Variants in BBS2 observed in about 807,000 individuals in gnomAD.
BBS2 encodes Bardet-Biedl syndrome 2, also known as BBSome complex member BBS2.
A neutral mutation model predicts 83.0 loss-of-function variants in BBS2; 62 were observed. The observed-to-expected ratio is 0.75, with a 90% CI of 0.61 to 0.92. BBS2 has a LOEUF of 0.92. BBS2 is among the 40% of genes least tolerant of loss of function. The pLI, the probability that BBS2 is intolerant of heterozygous loss-of-function variation, is 0.00. For missense variants in BBS2, 784 were observed against 901.0 expected (o/e 0.87, Z 1.66); for synonymous variants, 303 against 326.1 (o/e 0.93, Z 0.76).
intron 9 of BBS2, chr16:56,502,066 A>G: frequency 1.8e-6 from 1 of 545,692 alleles, no homozygotes; most frequent in Non-Finnish European, 3.3e-6. Flanking sequence ...AGTTTCTTCC[A>G]GCTGTTTTCA....
chr16:56,470,880 T>A, intron 17 of BBS2: 1 of 1,297,452 alleles, frequency 7.7e-7, no homozygotes, highest in Non-Finnish European at 1.0e-6. Flanking sequence ...ATTGAGCATC[T>A]ACTGTGCCCT....
At chr16:56,487,484 TATAAA>T (rs1440803156) in intron 15 of BBS2, among the ~76,000 whole-genome samples, 96 of 152,282 alleles carry the variant, frequency 6.3e-4, no homozygotes, top group African/African-American at 2.3e-3. Flanking sequence ...TATTTACAAT[TATAAA>T]ATATTTCGTA....
At chr16:56,478,892 T>TGTAATTTAA (rs1208819821) in intron 17 of BBS2, 1 of 152,206 alleles carries the variant, frequency 6.6e-6, no homozygotes, top group Non-Finnish European at 1.5e-5. Context: ...TTGTGAAGGA[T>TGTAATTTAA]GGTGTAACTT....
intron 9 of BBS2, 21 bp downstream of exon 9, chr16:56,502,296 C>T: frequency 1.2e-6 from 2 of 1,613,986 alleles, no homozygotes; most frequent in Non-Finnish European, 1.7e-6. Context: ...ATTACCTGGT[C>T]ACATTAGGAC....
At chr16:56,471,958 T>C (rs1210131649) in intron 17 of BBS2, among the ~76,000 whole-genome samples, 1 of 151,092 alleles carries the variant, frequency 6.6e-6, no homozygotes, top group Non-Finnish European at 1.5e-5. Context: ...CACTTCTGTT[T>C]GTTTGTTTGT....
chr16:56,501,305 C>G (rs1473674112), intron 10 of BBS2, 48 bp downstream of exon 10: 1 of 1,607,436 alleles, frequency 6.2e-7, no homozygotes, highest in Non-Finnish European at 8.5e-7. Flanking sequence ...AGAATGACTC[C>G]AAGATGGCAC....
chr16:56,473,280 CT>C (rs1963290108), intron 17 of BBS2, among the ~76,000 whole-genome samples: 1 of 152,172 alleles, frequency 6.6e-6, no homozygotes, highest in Non-Finnish European at 1.5e-5. Flanking sequence ...TTTCTAGAAG[CT>C]TTTATTTCAA....
intron 11 of BBS2, 140 bp from the exon 12 acceptor site, chr16:56,500,047 T>C (rs1397416582): frequency 3.8e-5 from 37 of 979,878 alleles, no homozygotes; most frequent in Non-Finnish European, 5.6e-5. Flanking sequence ...CCCAAAACAC[T>C]TGAGGGTTAA....
chr16:56,471,409 T>C (rs1289859087), intron 17 of BBS2, among the ~76,000 whole-genome samples: 4 of 150,264 alleles, frequency 2.7e-5, no homozygotes, highest in Non-Finnish European at 5.9e-5. Flanking sequence ...CTTAGGCGAA[T>C]AGATGATTTA....
intron 1 of BBS2, among the ~76,000 whole-genome samples, chr16:56,518,736 G>T (rs1964822791): frequency 6.6e-6 from 1 of 152,188 alleles, no homozygotes; most frequent in Admixed American, 6.5e-5. Context: ...AAATACACAG[G>T]GCTCTGATTT....
intron 12 of BBS2, 111 bp downstream of exon 12, chr16:56,499,667 A>AT (rs1470237996): frequency 1.8e-5 from 26 of 1,462,034 alleles, no homozygotes; most frequent in Non-Finnish European, 1.2e-5. Context: ...CTTTCATATC[A>AT]TATTTACTGC....
At chr16:56,513,084 C>T (rs919539697) in intron 2 of BBS2, among the ~76,000 whole-genome samples, 9 of 152,034 alleles carry the variant, frequency 5.9e-5, no homozygotes, top group African/African-American at 2.2e-4. Context: ...CCCATGAGGT[C>T]AAGGCTGCAG....
At position 56,510,888 on chromosome 16, in the gene BBS2, AC is replaced by A. The variant is rs1224014742; in HGVS notation, c.504del (p.Leu168PhefsTer33). ...TTCTTTCCATCACCATCAAAGTCAC[AC>A]AAGGCCAAGGAATTAACATTGTCTC... ...VTGDNVNSLALCDFDGDGKKE... is the reference protein window; with the variant it reads ...VTGDNVNSLAXCDFDGDGKKE... On this transcript the variant is annotated frameshift_variant, in exon 4 of 17. Coordinates refer to ENST00000245157, the MANE Select transcript of BBS2 (RefSeq NM_031885.5). LOFTEE classifies it high-confidence loss of function. 1.5e-5 allele frequency: 25 copies of A among 1,614,052 alleles called. No individual in the cohort carries two copies. The highest frequency in any genetic ancestry group is 2.1e-5 in the Non-Finnish European group (25 of 1,180,030).
chr16:56,497,310 A>T, intron 14 of BBS2: 1 of 575,260 alleles, frequency 1.7e-6, no homozygotes, highest in Non-Finnish European at 3.1e-6. Context: ...CTTTAGCACC[A>T]GGAGCCCCCA....
chr16:56,497,191 G>A (rs149327340), intron 14 of BBS2, 112 bp from the exon 15 acceptor site: 15 of 785,622 alleles, frequency 1.9e-5, no homozygotes, highest in African/African-American at 1.0e-4. Flanking sequence ...TCCCCTGTTC[G>A]CTTATACCAA....
At position 56,484,565 on chromosome 16, in the gene BBS2, C is replaced by T; in HGVS notation, c.*196G>A. 2 of 541,380 alleles carry T rather than the reference C, an allele frequency of 3.7e-6. No homozygotes were observed. The highest frequency in any genetic ancestry group is 6.7e-6 in the Non-Finnish European group (2 of 298,782). The allele number at this position is 541,380 out of a possible 1,614,324, so 33.5% of individuals were successfully genotyped here. On this transcript the variant is annotated 3_prime_UTR_variant, in exon 17 of 17. Transcript: ENST00000245157. ...ATAAAAACCTAGTATTATTCAGCAA[C>T]AGTACTACTACTGATTTAAAAATAG...
At chr16:56,473,410 C>T (rs1963295656) in intron 17 of BBS2, among the ~76,000 whole-genome samples, 3 of 152,104 alleles carry the variant, frequency 2.0e-5, no homozygotes, top group African/African-American at 7.2e-5. Flanking sequence ...AGATTTTTTC[C>T]AGTTCTTCAC....
Position 56,516,993 on chromosome 16 carries a change from T to TTTATTA in BBS2, c.118-2319_118-2314dup, listed in dbSNP as rs879900191. 6.8e-3 allele frequency among the ~76,000 whole-genome samples: 1,031 copies of TTTATTA among 151,000 alleles called. 8 individuals are homozygous for TTTATTA. Among genetic ancestry groups the TTTATTA allele is most frequent in the African/African-American group, 0.021 (875 of 41,068 alleles). ...AGGACAAGGGATCTCCTTTATTTTA[T>TTTATTA]TTATTATTATTATTATTATTATTAG... On this transcript the variant is annotated intron_variant, in intron 1 of 16. Coordinates refer to ENST00000245157, the MANE Select transcript of BBS2 (RefSeq NM_031885.5).
rs925476146 is a variant in BBS2, at chr16:56,498,539, C to T, written c.1557G>A (p.Leu519=). Residue 519 remains leucine, a synonymous_variant, in exon 13 of 17, where the codon CTG becomes CTA. Transcript: ENST00000245157. ...RVVVWLGQNF[L]LPEDTHIQNA... ...TCTGAATGTGAGTGTCTTCTGGTAACAGAAAGTTCTGACCGAGCCATACAA... is the reference window on the plus strand; with the variant it reads ...TCTGAATGTGAGTGTCTTCTGGTAATAGAAAGTTCTGACCGAGCCATACAA... The T allele has an allele frequency of 1.2e-6, 2 of 1,614,006 alleles. No individual in the cohort carries two copies. Among genetic ancestry groups the T allele is most frequent in the Non-Finnish European group, 8.5e-7 (1 of 1,179,998 alleles).
Sources: gnomAD v4.1 joint callset for allele counts (sites outside exome capture counted in the v4.1 genomes callset) on GRCh38, gnomAD v4.1.1 for gene constraint, MANE v1.5 for transcripts, NCBI Gene and HGNC (gene_info 2026-07-23, HGNC 2026-07-21) for gene names.